The following TOX2 variants were observed in gnomAD, a reference collection of about 807,000 sequenced individuals.
The protein encoded by TOX2 is TOX high mobility group box family member 2, also known as granulosa cell HMG box 1.
TOX2 carries 15 observed loss-of-function variants against 47.4 expected under a neutral mutation model. The observed-to-expected ratio is 0.32, with a 90% CI of 0.21 to 0.49. TOX2 has a LOEUF of 0.49. TOX2 is among the 20% of genes least tolerant of loss of function. TOX2 has a pLI of 0.99. For synonymous variants in TOX2, 290 were observed against 296.6 expected, an observed-to-expected ratio of 0.98 and a Z score of 0.23; for missense variants, 622 against 673.1, an observed-to-expected ratio of 0.92 and a Z score of 0.84.
intron 2 of TOX2, among the ~76,000 whole-genome samples, chr20:44,000,233 G>A (rs1436306483): frequency 1.3e-5 from 2 of 152,204 alleles, no homozygotes; most frequent in Non-Finnish European, 2.9e-5. Flanking sequence ...GATAATTCTG[G>A]CCCTGGGGTG....
chr20:43,936,841 C>T (rs960638519), intron 1 of TOX2, among the ~76,000 whole-genome samples: 15 of 152,142 alleles, frequency 9.9e-5, no homozygotes, highest in Admixed American at 3.9e-4. Flanking sequence ...GGCAGCCTCA[C>T]GGTGCCAAGG....
At chr20:44,021,402 A>G (rs1242470516) in intron 3 of TOX2, among the ~76,000 whole-genome samples, 1 of 152,032 alleles carries the variant, frequency 6.6e-6, no homozygotes, top group Non-Finnish European at 1.5e-5. Context: ...AGATTCTAAG[A>G]CTGAAGGATC....
At chr20:44,030,159 A>G (rs2071127830) in intron 3 of TOX2, among the ~76,000 whole-genome samples, 1 of 152,012 alleles carries the variant, frequency 6.6e-6, no homozygotes, top group Non-Finnish European at 1.5e-5. Context: ...AGCTGTCTAC[A>G]GCTGGCCACT....
At position 44,049,494 on chromosome 20, in the gene TOX2, C is replaced by G. The variant is rs528394969; in HGVS notation, c.412-1812C>G. On this transcript the variant is annotated intron_variant, in intron 3 of 8. Coordinates refer to ENST00000341197, the MANE Select transcript of TOX2 (RefSeq NM_001098797.2). ...TTTCCAGAACTCTTCTTTTTGTTAG[C>G]CTTTTTAAATTTAAGCTCCAGGGTA... 2.2e-3 allele frequency among the ~76,000 whole-genome samples: 339 copies of G among 152,252 alleles called. 1 individual carries two copies. The highest frequency in any genetic ancestry group is 7.8e-3 in the African/African-American group (325 of 41,530).
chr20:43,950,539 C>T (rs1600674219), intron 1 of TOX2, among the ~76,000 whole-genome samples: 1 of 151,806 alleles, frequency 6.6e-6, no homozygotes, highest in Non-Finnish European at 1.5e-5. Flanking sequence ...TGACCGAGGT[C>T]ACACCTGCCG....
chr20:44,059,012 G>A (rs2071671287), intron 5 of TOX2, among the ~76,000 whole-genome samples: 1 of 152,170 alleles, frequency 6.6e-6, no homozygotes, highest in Non-Finnish European at 1.5e-5. Context: ...AACAGCAATG[G>A]ATCCAAACCA....
rs544761865 is a variant in TOX2, at chr20:44,009,585, G to T, written c.411+2793G>T. On this transcript the variant is annotated intron_variant, in intron 3 of 8. Transcript: ENST00000341197. ...TGAGGTTGCAATTTTTTGAATTTTTGCTATCAGACCTTGGCAATGAGCTTG... is the reference window on the plus strand; with the variant it reads ...TGAGGTTGCAATTTTTTGAATTTTTTCTATCAGACCTTGGCAATGAGCTTG... Among the ~76,000 whole-genome samples, 29 of 152,220 alleles carry T rather than the reference G, an allele frequency of 1.9e-4. No individual in the cohort carries two copies. The East Asian group carries it at 4.6e-3, about 24-fold the overall frequency.
At chr20:43,926,044 G>A (rs572616634) in intron 1 of TOX2, among the ~76,000 whole-genome samples, 5 of 152,270 alleles carry the variant, frequency 3.3e-5, no homozygotes, top group African/African-American at 1.2e-4. Context: ...TGCTTATTTC[G>A]AAGCTGGGCC....
At chr20:43,934,930 T>C (rs2069305017) in intron 1 of TOX2, among the ~76,000 whole-genome samples, 1 of 152,080 alleles carries the variant, frequency 6.6e-6, no homozygotes, top group Admixed American at 6.5e-5. Flanking sequence ...CTATTTTTGC[T>C]GTAAGTGTTT....
At chr20:44,057,719 CA>C in intron 5 of TOX2, among the ~76,000 whole-genome samples, 1 of 151,962 alleles carries the variant, frequency 6.6e-6, no homozygotes, top group Middle Eastern at 3.4e-3. Context: ...TGGCTTAAAA[CA>C]ATAATCATTT....
chr20:43,945,767 T>C, intron 1 of TOX2: 1 of 1,203,050 alleles, frequency 8.3e-7, no homozygotes. Context: ...TAAAAGAGGT[T>C]AAATAACAGG....
chr20:44,054,819 C>A (rs543941147), intron 5 of TOX2, among the ~76,000 whole-genome samples: 1 of 152,348 alleles, frequency 6.6e-6, no homozygotes, highest in East Asian at 1.9e-4. Context: ...CTCCATCCAT[C>A]TTGTCCCACC....
intron 1 of TOX2, among the ~76,000 whole-genome samples, chr20:43,951,705 A>ATTTTTTTTTTTTTTTTTTTTTT (rs1212223106): frequency 6.9e-4 from 21 of 30,378 alleles, no homozygotes; most frequent in South Asian, 6.7e-3. Context: ...TAAACTTATT[A>ATTTTTTTTTTTTTTTTTTTTTT]TGTTTTTTTT....
At chr20:43,927,640 C>T (rs900384343) in intron 1 of TOX2, among the ~76,000 whole-genome samples, 8 of 127,996 alleles carry the variant, frequency 6.3e-5, no homozygotes, top group African/African-American at 2.6e-4. Flanking sequence ...TCCTTCCTTC[C>T]TCCCCTTCCC....
intron 3 of TOX2, among the ~76,000 whole-genome samples, chr20:44,031,773 T>C (rs1314993461): frequency 6.6e-6 from 1 of 152,088 alleles, no homozygotes; most frequent in African/African-American, 2.4e-5. Context: ...GGAGGTGGCA[T>C]GTGCTTTTGA....
chr20:43,950,707 C>T (rs2069547113), intron 1 of TOX2, among the ~76,000 whole-genome samples: 1 of 152,092 alleles, frequency 6.6e-6, no homozygotes, highest in Non-Finnish European at 1.5e-5. Context: ...AACGTGCATA[C>T]CCTCCATCTC....
At chr20:43,930,376 T>C (rs997717022) in intron 1 of TOX2, among the ~76,000 whole-genome samples, 3 of 152,248 alleles carry the variant, frequency 2.0e-5, no homozygotes, top group African/African-American at 4.8e-5. Context: ...ATGTGAATTC[T>C]ATAATTCTCC....
At chr20:44,063,518 A>G (rs921189373) in intron 5 of TOX2, among the ~76,000 whole-genome samples, 3 of 152,232 alleles carry the variant, frequency 2.0e-5, no homozygotes, top group Non-Finnish European at 4.4e-5. Flanking sequence ...AATATAAACT[A>G]GTACATCCAC....
At chr20:44,007,379 A>G (rs1396522121) in intron 3 of TOX2, 2 of 153,226 alleles carry the variant, frequency 1.3e-5, no homozygotes, top group African/African-American at 4.8e-5. Context: ...TGGCATCAGT[A>G]TGGTGACCTC....
Sources: allele counts gnomAD v4.1 joint callset (sites outside exome capture counted in the v4.1 genomes callset), GRCh38; gene constraint gnomAD v4.1.1; transcripts MANE v1.5; gene names NCBI Gene and HGNC (gene_info 2026-07-23, HGNC 2026-07-21).